The following WIPI1 variants were observed in gnomAD, a reference collection of about 807,000 sequenced individuals.
WIPI1 encodes the protein WD repeat domain, phosphoinositide interacting 1, also known as WD repeat domain phosphoinositide-interacting protein 1.
Under a neutral mutation model 55.3 loss-of-function variants are expected in WIPI1, and 45 were observed. The ratio of observed to expected loss-of-function variants is 0.81; its 90% CI spans 0.64 to 1.04. The LOEUF (loss-of-function observed/expected upper bound fraction) is 1.04, where lower values mean the gene tolerates loss of function less well. Among genes scored for constraint, WIPI1 ranks in the 50% least tolerant of loss-of-function variants. The pLI, the probability that WIPI1 is intolerant of heterozygous loss-of-function variation, is 0.00. For synonymous variants in WIPI1, 195 were observed against 217.6 expected, an observed-to-expected ratio of 0.90 and a Z score of 0.92; for missense variants, 445 against 559.0, an observed-to-expected ratio of 0.80 and a Z score of 2.06.
intron 4 of WIPI1, among the ~76,000 whole-genome samples, chr17:68,441,614 G>T (rs566590742): frequency 6.6e-6 from 1 of 152,284 alleles, no homozygotes; most frequent in South Asian, 2.1e-4. Context: ...TCACTGAAGC[G>T]CAGCTCTGAC....
At chr17:68,430,875 G>C (rs1343154613) in intron 8 of WIPI1, among the ~76,000 whole-genome samples, 1 of 152,212 alleles carries the variant, frequency 6.6e-6, no homozygotes, top group Non-Finnish European at 1.5e-5. Flanking sequence ...GAGGCTGCTT[G>C]TCTGCAGGAT....
At chr17:68,454,203 C>T (rs1030733141) in intron 1 of WIPI1, among the ~76,000 whole-genome samples, 2 of 152,230 alleles carry the variant, frequency 1.3e-5, no homozygotes, top group Non-Finnish European at 2.9e-5. Context: ...CCTCACCCAG[C>T]TCTTTCCAGC....
At chr17:68,454,379 G>A (rs1250193272) in intron 1 of WIPI1, among the ~76,000 whole-genome samples, 3 of 152,160 alleles carry the variant, frequency 2.0e-5, no homozygotes, top group Non-Finnish European at 2.9e-5. Flanking sequence ...TGTTTCACTA[G>A]CCTAAAAAAG....
At position 68,432,221 on chromosome 17, in the gene WIPI1, G is replaced by A. The variant is rs541556953; in HGVS notation, c.800+1247C>T. Among the ~76,000 whole-genome samples, 235 of 152,258 alleles carry A rather than the reference G, an allele frequency of 1.5e-3. 1 individual carries two copies. Among genetic ancestry groups the A allele is most frequent in the Non-Finnish European group, 1.8e-3 (124 of 68,010 alleles). ...GTTTCATACACCACTGGGGGTGGGG[G>A]GAGACAAGGATTCTAGAGATGAGGG... On this transcript the variant is annotated intron_variant, in intron 8 of 12. Transcript: ENST00000262139.
chr17:68,455,926 T>A (rs1251822025), intron 1 of WIPI1, among the ~76,000 whole-genome samples: 1 of 152,232 alleles, frequency 6.6e-6, no homozygotes, highest in Non-Finnish European at 1.5e-5. Flanking sequence ...TCAACAGCCA[T>A]GCCCTCTTGC....
chr17:68,443,402 C>T (rs75703374), intron 4 of WIPI1, among the ~76,000 whole-genome samples: 12,615 of 152,218 alleles, frequency 0.083, 699 homozygotes, highest in South Asian at 0.21. Context: ...TGTGAGCCAC[C>T]GCACCCGGCT....
chr17:68,439,199 T>G (rs2361954), intron 4 of WIPI1, among the ~76,000 whole-genome samples: 50,241 of 152,102 alleles, frequency 0.33, 8,805 homozygotes, highest in Middle Eastern at 0.46. Context: ...CATGGCAGCA[T>G]TATTCATAAG....
rs1392178504 is a variant in WIPI1, at chr17:68,431,762, C to CTGTGGG, written c.801-1603_801-1602insCCCACA. 1.2e-4 allele frequency among the ~76,000 whole-genome samples: 19 copies of CTGTGGG among 152,302 alleles called. 1 individual carries two copies. The highest frequency in any genetic ancestry group is 2.9e-5 in the Non-Finnish European group (2 of 68,058). ...GTAACCGCCGGGGACATATGAACAC[C>CTGTGGG]CGTGGACAGGTTGAGCGGAGAACCC... is the stretch of plus-strand genomic sequence containing the variant. On this transcript the variant is annotated intron_variant, in intron 8 of 12. Transcript: ENST00000262139.
intron 12 of WIPI1, chr17:68,425,790 G>T: frequency 2.8e-6 from 1 of 351,716 alleles, no homozygotes. Context: ...CAGAAGCAAA[G>T]TAAGGGATCG....
intron 6 of WIPI1, 148 bp from the exon 7 acceptor site, chr17:68,434,774 T>C (rs573676497): frequency 6.7e-6 from 5 of 745,928 alleles, no homozygotes; most frequent in South Asian, 5.6e-5. Context: ...TGTTTATTTA[T>C]GTGCCATATC....
intron 3 of WIPI1, among the ~76,000 whole-genome samples, chr17:68,450,294 C>G (rs2084447925): frequency 6.6e-6 from 1 of 152,186 alleles, no homozygotes; most frequent in Non-Finnish European, 1.5e-5. Flanking sequence ...CAGGGAGCCC[C>G]CACTTCACTC....
chr17:68,444,567 T>A lies in WIPI1; in HGVS notation c.356A>T (p.Glu119Val). The change falls in exon 4 of 13, where the codon GAG (glutamate) becomes GTG (valine). Residue 119 changes from glutamate (E) to valine (V), a missense_variant. By Grantham distance (121) the Glu-to-Val change is moderately radical. Transcript: ENST00000262139. ...TTTAATGTTGTGAATATAAATGGAC[T>A]CTTCTAGGCAAACCAGCAGCCTCTG... is the stretch of plus-strand genomic sequence containing the variant. Reference protein sequence around the residue: ...NRQRLLVCLEESIYIHNIKDM... With the variant: ...NRQRLLVCLEVSIYIHNIKDM... 6.2e-7 allele frequency: 1 copy of A among 1,613,952 alleles called. No individual in the cohort carries two copies. Among genetic ancestry groups the A allele is most frequent in the Non-Finnish European group, 8.5e-7 (1 of 1,179,994 alleles).
chr17:68,443,275 T>C (rs1308028701), intron 4 of WIPI1, among the ~76,000 whole-genome samples: 1 of 152,150 alleles, frequency 6.6e-6, no homozygotes, highest in Non-Finnish European at 1.5e-5. Context: ...CATGCTCAGC[T>C]AATTTTTGTA....
intron 4 of WIPI1, among the ~76,000 whole-genome samples, chr17:68,444,142 G>A (rs2084189509): frequency 6.6e-6 from 1 of 152,184 alleles, no homozygotes; most frequent in South Asian, 2.1e-4. Flanking sequence ...CGCCTACTCT[G>A]TACTGAACGA....
chr17:68,443,113 T>G (rs901888267), intron 4 of WIPI1, among the ~76,000 whole-genome samples: 1 of 152,196 alleles, frequency 6.6e-6, no homozygotes, highest in African/African-American at 2.4e-5. Context: ...TATTTTTAAT[T>G]TATTCATTGT....
intron 1 of WIPI1, 26 bp from the exon 2 acceptor site, chr17:68,453,018 A>G (rs1274644758): frequency 6.3e-7 from 1 of 1,580,684 alleles, no homozygotes; most frequent in East Asian, 2.2e-5. Flanking sequence ...ACAGCATGGG[A>G]ATAACGACAG....
In WIPI1 at chr17:68,429,980, G is replaced by T; in HGVS notation, c.965+16C>A. ...GAAAGTGTGGTCTTGTTCAGAGTGG[G>T]TGTCATTGTACGTACGTTGAGAGGG... On this transcript the variant is annotated intron_variant, in intron 9 of 12. Coordinates refer to ENST00000262139, the MANE Select transcript of WIPI1 (RefSeq NM_017983.7). The T allele has an allele frequency of 6.2e-7, 1 of 1,613,982 alleles. No individual in the cohort carries two copies. Among genetic ancestry groups the T allele is most frequent in the Non-Finnish European group, 8.5e-7 (1 of 1,179,928 alleles).
At chr17:68,426,252 G>GGGGGGGTGGT in intron 11 of WIPI1, 77 bp from the exon 12 acceptor site, 1 of 828,188 alleles carries the variant, frequency 1.2e-6, no homozygotes, top group Non-Finnish European at 1.9e-6. Context: ...TGGGGAGCGG[G>GGGGGGGTGGT]GGCTCAAATA....
rs763630249 is a variant in WIPI1, at chr17:68,441,308, C to G, written c.430+3185G>C. Among the ~76,000 whole-genome samples, 64 of 152,318 alleles carry G rather than the reference C, an allele frequency of 4.2e-4. 1 individual carries two copies. The highest frequency in any genetic ancestry group is 1.5e-3 in the African/African-American group (61 of 41,554). The stretch of plus-strand genomic sequence containing the variant: ...ACAGAAAGAAGGAAATTTACAGCTG[C>G]GTTAGATACCAAGTGTGAGGCAACA... On this transcript the variant is annotated intron_variant, in intron 4 of 12. Coordinates refer to ENST00000262139, the MANE Select transcript of WIPI1 (RefSeq NM_017983.7).
Sources: allele counts gnomAD v4.1 joint callset (sites outside exome capture counted in the v4.1 genomes callset), GRCh38; gene constraint gnomAD v4.1.1; transcripts MANE v1.5; gene names NCBI Gene and HGNC (gene_info 2026-07-23, HGNC 2026-07-21).